Variants in CFAP210 observed in about 807,000 individuals in gnomAD.
CFAP210 encodes the protein cilia and flagella associated protein 210, also known as cilia- and flagella- associated protein 210.
the CFAP210 span, among the ~76,000 whole-genome samples, chr2:169,655,666 C>G: frequency 6.6e-6 from 1 of 152,102 alleles, no homozygotes; most frequent in Non-Finnish European, 1.5e-5. Flanking sequence ...AGCTTAAGCT[C>G]AAGGTCATAT....
the CFAP210 span, chr2:169,654,265 C>A: frequency 6.8e-7 from 1 of 1,464,030 alleles, no homozygotes. Context: ...AAATATCTTT[C>A]AACATATCAG....
the CFAP210 span, among the ~76,000 whole-genome samples, chr2:169,655,383 G>A: frequency 3.9e-5 from 6 of 152,118 alleles, no homozygotes; most frequent in Non-Finnish European, 8.8e-5. Flanking sequence ...TTATAACTCA[G>A]GGTCTACTAT....
At chr2:169,678,115 C>T in the CFAP210 span, among the ~76,000 whole-genome samples, 2 of 151,706 alleles carry the variant, frequency 1.3e-5, no homozygotes, top group Admixed American at 6.6e-5. Flanking sequence ...CCGAGGTGGG[C>T]GGATCATCTG....
At chr2:169,682,072 A>G in the CFAP210 span, among the ~76,000 whole-genome samples, 1 of 152,226 alleles carries the variant, frequency 6.6e-6, no homozygotes, top group Non-Finnish European at 1.5e-5. Context: ...ATTTTTGAAG[A>G]TGATTGAGTT....
chr2:169,657,739 A>G, the CFAP210 span, among the ~76,000 whole-genome samples: 1 of 152,170 alleles, frequency 6.6e-6, no homozygotes, highest in African/African-American at 2.4e-5. Flanking sequence ...AAACAAAAAA[A>G]AAATAAGAAA....
At chr2:169,694,211 C>A in the CFAP210 span, 1 of 1,585,192 alleles carries the variant, frequency 6.3e-7, no homozygotes, top group Non-Finnish European at 8.7e-7. Context: ...TCACTCCATG[C>A]CGGGGGTCCA....
the CFAP210 span, among the ~76,000 whole-genome samples, chr2:169,686,860 T>C: frequency 6.6e-6 from 1 of 152,074 alleles, no homozygotes; most frequent in Non-Finnish European, 1.5e-5. Flanking sequence ...TAACATGAAA[T>C]ATGTATTAGT....
At chr2:169,651,627 T>A in the CFAP210 span, among the ~76,000 whole-genome samples, 1 of 151,770 alleles carries the variant, frequency 6.6e-6, no homozygotes, top group African/African-American at 2.4e-5. Flanking sequence ...AATGCTGGGA[T>A]TACAGGTGTG....
the CFAP210 span, among the ~76,000 whole-genome samples, chr2:169,679,344 T>A: frequency 3.9e-5 from 6 of 152,106 alleles, no homozygotes; most frequent in Non-Finnish European, 8.8e-5. Context: ...CAGCATAATA[T>A]CCAGTCGACA....
At chr2:169,655,544 T>A in the CFAP210 span, among the ~76,000 whole-genome samples, 1 of 152,208 alleles carries the variant, frequency 6.6e-6, no homozygotes, top group Non-Finnish European at 1.5e-5. Flanking sequence ...TCCTTACATG[T>A]TTTATTTTGC....
the CFAP210 span, among the ~76,000 whole-genome samples, chr2:169,652,105 A>C: frequency 2.4e-4 from 37 of 152,332 alleles, no homozygotes; most frequent in Middle Eastern, 3.4e-3. Flanking sequence ...AAATTGCATA[A>C]AAAATAATTT....
chr2:169,690,934 TG>T, the CFAP210 span, among the ~76,000 whole-genome samples: 1 of 152,212 alleles, frequency 6.6e-6, no homozygotes, highest in Non-Finnish European at 1.5e-5. Context: ...GATTGTGTGA[TG>T]TTTTTCATCA....
chr2:169,681,360 C>T, the CFAP210 span: 1 of 774,048 alleles, frequency 1.3e-6, no homozygotes, highest in East Asian at 2.7e-5. Flanking sequence ...CTCTTGTTAT[C>T]CTAAGAACAG....
At chr2:169,688,419 A>G in the CFAP210 span, among the ~76,000 whole-genome samples, 1 of 151,954 alleles carries the variant, frequency 6.6e-6, no homozygotes, top group African/African-American at 2.4e-5. Context: ...TTTGCTGCTT[A>G]GAAATTTCTT....
the CFAP210 span, among the ~76,000 whole-genome samples, chr2:169,664,122 TG>T: frequency 6.6e-6 from 1 of 151,574 alleles, no homozygotes; most frequent in Admixed American, 6.6e-5. Context: ...TGCTTGAACC[TG>T]GGTGGCAGAG....
At chr2:169,675,204 G>A in the CFAP210 span, among the ~76,000 whole-genome samples, 7 of 151,910 alleles carry the variant, frequency 4.6e-5, no homozygotes, top group Non-Finnish European at 1.0e-4. Context: ...TTTTTAGACC[G>A]ACCTTTTTAG....
At chr2:169,674,992 T>C in the CFAP210 span, 1 of 1,547,312 alleles carries the variant, frequency 6.5e-7, no homozygotes, top group Non-Finnish European at 8.7e-7. Context: ...TCTGCCTCTA[T>C]TTCTTCATCA....
chr2:169,660,174 G>A, the CFAP210 span, among the ~76,000 whole-genome samples: 4 of 151,950 alleles, frequency 2.6e-5, no homozygotes, highest in African/African-American at 4.8e-5. Context: ...AGATCACAAG[G>A]TCAGGAGTTC....
chr2:169,687,794 T>C, the CFAP210 span, among the ~76,000 whole-genome samples: 280 of 152,338 alleles, frequency 1.8e-3, 4 homozygotes, highest in Admixed American at 0.016. Flanking sequence ...TTAGGGACTC[T>C]ACGTGGGAGC....
Sources: gnomAD v4.1 joint callset for allele counts (sites outside exome capture counted in the v4.1 genomes callset) on GRCh38, gnomAD v4.1.1 for gene constraint, MANE v1.5 for transcripts, NCBI Gene and HGNC (gene_info 2026-07-23, HGNC 2026-07-21) for gene names.